Variants in TMEM37 observed in about 807,000 individuals in gnomAD.
TMEM37 encodes voltage-dependent calcium channel gamma-like subunit.
TMEM37 carries 12 observed loss-of-function variants against 11.0 expected under a neutral mutation model. The ratio of observed to expected loss-of-function variants is 1.09; its 90% CI spans 0.70 to 1.76. The LOEUF is 1.76. Ranked by LOEUF, TMEM37 falls within the 40% of genes most tolerant of loss-of-function variation. The pLI is 0.00. For synonymous variants in TMEM37, 127 were observed against 110.5 expected (o/e 1.15, Z -0.94); for missense variants, 203 against 251.2 (o/e 0.81, Z 1.30).
At chr2:119,433,377 G>C (rs369786609) in intron 1 of TMEM37, among the ~76,000 whole-genome samples, 15 of 152,232 alleles carry the variant, frequency 9.9e-5, no homozygotes, top group African/African-American at 3.4e-4. Flanking sequence ...GAGGCAGGCC[G>C]GCTCATCAGG....
At chr2:119,432,130 C>A in intron 1 of TMEM37, 1 of 378,436 alleles carries the variant, frequency 2.6e-6, no homozygotes, top group Non-Finnish European at 4.7e-6. Context: ...GCCTGCCTCA[C>A]ATAGCTGCTC....
In TMEM37 at chr2:119,437,574, G is replaced by T; in HGVS notation, c.*134G>T. On this transcript the variant is annotated 3_prime_UTR_variant, in exon 2 of 2. Transcript: ENST00000306406. ...GCCTTGAAACGGCTGCCTGTTTGCC[G>T]ATAACTTGTGGGTGGTCAGCCAGAA... is the stretch of plus-strand genomic sequence containing the variant. 1 of 1,224,588 alleles carries T rather than the reference G, an allele frequency of 8.2e-7. No individual in the cohort carries two copies. The highest frequency in any genetic ancestry group is 2.6e-4 in the Middle Eastern group (1 of 3,848). 75.9% of individuals were successfully genotyped at this position (1,224,588 alleles called of 1,614,324 possible). A position where few individuals can be genotyped will look rare whatever the true frequency, so the allele number is the denominator to read the frequency against.
chr2:119,437,682 CAG>C lies in TMEM37; in HGVS notation c.*244_*245del. ...GTGCCACCAACTGCACAGGCTTAGCCAGATGTTGATTTTAGAGGAAGAAAAAA... is the reference window on the plus strand; with the variant it reads ...GTGCCACCAACTGCACAGGCTTAGCCATGTTGATTTTAGAGGAAGAAAAAA... On this transcript the variant is annotated 3_prime_UTR_variant, in exon 2 of 2. Transcript: ENST00000306406. The C allele has an allele frequency of 5.5e-6, 3 of 546,104 alleles. No homozygotes were observed. Among genetic ancestry groups the C allele is most frequent in the Non-Finnish European group, 9.6e-6 (3 of 313,194 alleles). 33.8% of individuals were successfully genotyped at this position (546,104 alleles called of 1,614,324 possible). A position where few individuals can be genotyped will look rare whatever the true frequency, so the allele number is the denominator to read the frequency against.
At position 119,437,920 on chromosome 2, in the gene TMEM37, A is replaced by C. The variant is rs1558826114; in HGVS notation, c.*480A>C. The C allele has an allele frequency of 6.3e-6, 1 of 157,822 alleles. No homozygotes were observed. Among genetic ancestry groups the C allele is most frequent in the African/African-American group, 2.4e-5 (1 of 41,252 alleles). 9.8% of individuals were successfully genotyped at this position (157,822 alleles called of 1,614,324 possible). ...CCAGCTAAGGGTCCAATCAGTGCCT[A>C]GGACTTTCTTCCACCAGCTCAAAGG... is the stretch of plus-strand genomic sequence containing the variant. On this transcript the variant is annotated 3_prime_UTR_variant, in exon 2 of 2. Transcript: ENST00000306406.
In TMEM37 at chr2:119,434,457, A is replaced by ATTT. The variant is rs112573313; in HGVS notation, c.22-2420_22-2418dup. Among the ~76,000 whole-genome samples the ATTT allele has an allele frequency of 9.0e-3, 1,302 of 144,746 alleles. 28 individuals are homozygous for ATTT. The highest frequency in any genetic ancestry group is 0.031 in the African/African-American group (1,232 of 39,596). 95.0% of individuals were successfully genotyped at this position (144,746 alleles called of 152,430 possible). On this transcript the variant is annotated intron_variant, in intron 1 of 1. Coordinates refer to ENST00000306406, the MANE Select transcript of TMEM37 (RefSeq NM_183240.3). ...CCTTTGGTTTCTTTCTTACCGGTAGATTTTTTTTTTTTTTGTAATAAAATG... is the reference window on the plus strand; with the variant it reads ...CCTTTGGTTTCTTTCTTACCGGTAGATTTTTTTTTTTTTTTTTGTAATAAAATG...
intron 1 of TMEM37, among the ~76,000 whole-genome samples, chr2:119,435,193 C>T (rs939628075): frequency 3.9e-5 from 6 of 152,246 alleles, no homozygotes; most frequent in Non-Finnish European, 7.3e-5. Context: ...CATCCTTATT[C>T]CTGTATCCCT....
In TMEM37 at chr2:119,437,362, A is replaced by T; in HGVS notation, c.495A>T (p.Glu165Asp). The T allele has an allele frequency of 6.2e-7, 1 of 1,614,242 alleles. No homozygotes were observed. ...GCTTCACCCTAATGTTTTGGTGCGA[A>T]TTCACTGCCTCCTTCCTCCTCTTCC... ...LIGFTLMFWC[E>D]FTASFLLFLN... The change falls in exon 2 of 2, where the codon GAA becomes GAT. Residue 165 changes from glutamate (E) to aspartate (D), a missense_variant. By Grantham distance (45) the Glu-to-Asp change is conservative. Coordinates refer to ENST00000306406, the MANE Select transcript of TMEM37 (RefSeq NM_183240.3).
chr2:119,430,850 G>A (rs1333812065), upstream of TMEM37, among the ~76,000 whole-genome samples: 1 of 152,164 alleles, frequency 6.6e-6, no homozygotes, highest in Non-Finnish European at 1.5e-5. Flanking sequence ...TAAGAACTCA[G>A]ATCCGGCCGG....
intron 1 of TMEM37, among the ~76,000 whole-genome samples, chr2:119,435,315 A>T (rs1473524826): frequency 6.6e-6 from 1 of 152,174 alleles, no homozygotes; most frequent in African/African-American, 2.4e-5. Context: ...TATGTCTCAC[A>T]CAGAGAGGAG....
At position 119,437,494 on chromosome 2, in the gene TMEM37, G is replaced by C; in HGVS notation, c.*54G>C. ...ACATCAGATTCCACAAGAAAATATG[G>C]TCAAAATGGGACTTTTCCAGCATGT... is the stretch of plus-strand genomic sequence containing the variant. On this transcript the variant is annotated 3_prime_UTR_variant, in exon 2 of 2. Transcript: ENST00000306406. The C allele has an allele frequency of 6.4e-7, 1 of 1,559,566 alleles. No individual in the cohort carries two copies. The highest frequency in any genetic ancestry group is 1.9e-5 in the Admixed American group (1 of 53,880).
At position 119,431,858 on chromosome 2, in the gene TMEM37, G is replaced by C. The variant is rs1470125095; in HGVS notation, c.-46G>C. 4.1e-6 allele frequency: 5 copies of C among 1,231,380 alleles called. No homozygotes were observed. The African/African-American group carries it at 6.3e-5, about 15-fold the overall frequency. 76.3% of individuals were successfully genotyped at this position (1,231,380 alleles called of 1,614,324 possible). On this transcript the variant is annotated 5_prime_UTR_variant, in exon 1 of 2. Coordinates refer to ENST00000306406, the MANE Select transcript of TMEM37 (RefSeq NM_183240.3). ...CGGGCTGGCGCCGGCGGCCACAGCG[G>C]AGCAGCTGGAGCGATCGAGGCTGCA...
chr2:119,436,517 T>A (rs1682498591), intron 1 of TMEM37, among the ~76,000 whole-genome samples: 1 of 152,078 alleles, frequency 6.6e-6, no homozygotes, highest in Admixed American at 6.5e-5. Context: ...TTGTTTTATG[T>A]ACAAAGAAAC....
At chr2:119,435,837 A>G (rs1035438971) in intron 1 of TMEM37, among the ~76,000 whole-genome samples, 1 of 152,300 alleles carries the variant, frequency 6.6e-6, no homozygotes, top group East Asian at 1.9e-4. Context: ...TCTGTGGAGG[A>G]GACTTTAAGC....
upstream of TMEM37, chr2:119,431,806 A>C: frequency 2.0e-6 from 2 of 980,082 alleles, no homozygotes; most frequent in Non-Finnish European, 2.6e-6. Context: ...CGCCTCCAGC[A>C]GCCGCCCCGC....
chr2:119,431,794 C>A, upstream of TMEM37: 1 of 928,656 alleles, frequency 1.1e-6, no homozygotes, highest in Non-Finnish European at 1.4e-6. Flanking sequence ...TCCCGCCCCG[C>A]CCGCCTCCAG....
Position 119,437,523 on chromosome 2 carries a change from C to T in TMEM37, c.*83C>T. ...AAATGGGACTTTTCCAGCATGTGGC[C>T]TCTGGTGGGGCTGGGTTGGACAAGG... is the stretch of plus-strand genomic sequence containing the variant. On this transcript the variant is annotated 3_prime_UTR_variant, in exon 2 of 2. Coordinates refer to ENST00000306406, the MANE Select transcript of TMEM37 (RefSeq NM_183240.3). 6.6e-7 allele frequency: 1 copy of T among 1,512,468 alleles called. No individual in the cohort carries two copies. Among genetic ancestry groups the T allele is most frequent in the Non-Finnish European group, 8.9e-7 (1 of 1,125,698 alleles). The allele number at this position is 1,512,468 out of a possible 1,614,324, so 93.7% of individuals were successfully genotyped here.
chr2:119,434,458 T>A (rs1272188619), intron 1 of TMEM37, among the ~76,000 whole-genome samples: 1 of 123,684 alleles, frequency 8.1e-6, no homozygotes, highest in Non-Finnish European at 1.6e-5. Context: ...TACCGGTAGA[T>A]TTTTTTTTTT....
upstream of TMEM37, among the ~76,000 whole-genome samples, chr2:119,431,036 G>A (rs1362588703): frequency 2.0e-5 from 3 of 152,168 alleles, no homozygotes; most frequent in Non-Finnish European, 4.4e-5. Context: ...CTACTCGGGA[G>A]GCTGAGGCAG....
chr2:119,430,342 C>G, upstream of TMEM37: 2 of 509,610 alleles, frequency 3.9e-6, no homozygotes, highest in Non-Finnish European at 7.9e-6. Flanking sequence ...TTTTAACAAA[C>G]CTTCCAGGTG....
Sources: gnomAD v4.1 joint callset for allele counts (sites outside exome capture counted in the v4.1 genomes callset) on GRCh38, gnomAD v4.1.1 for gene constraint, MANE v1.5 for transcripts, NCBI Gene and HGNC (gene_info 2026-07-23, HGNC 2026-07-21) for gene names.